Variants in ABCA10 observed in about 807,000 individuals in gnomAD.
ABCA10 encodes the protein ATP-binding cassette sub-family A member 10.
In ABCA10, 169 loss-of-function variants were observed where a neutral mutation model predicts 187.5. The ratio of observed to expected loss-of-function variants is 0.90; its 90% CI spans 0.80 to 1.02. The LOEUF is 1.02. Ranked by LOEUF, ABCA10 falls within the 50% of genes least tolerant of loss-of-function variation. The pLI, the probability that ABCA10 is intolerant of heterozygous loss-of-function variation, is 0.00. For missense variants in ABCA10, 1,727 were observed against 1,812.4 expected (o/e 0.95, Z 0.86); for synonymous variants, 574 against 601.8 (o/e 0.95, Z 0.68).
chr17:69,157,445 C>G (rs1306445676), intron 27 of ABCA10, among the ~76,000 whole-genome samples: 2 of 152,108 alleles, frequency 1.3e-5, no homozygotes, highest in African/African-American at 4.8e-5. Context: ...AAAGAACCCT[C>G]AGGATATTGC....
In ABCA10 at chr17:69,193,538, C is replaced by T. The variant is rs1233774424; in HGVS notation, c.1596G>A (p.Gln532=). ...DIIAKKLSGG[Q]KRKLTLGIAI... ...CAATCCCTAGTGTTAGTTTTCTCTTCTGCCCACCACTTAATTTTTTAGCAA... is the reference window on the plus strand; with the variant it reads ...CAATCCCTAGTGTTAGTTTTCTCTTTTGCCCACCACTTAATTTTTTAGCAA... Residue 532 remains glutamine, a synonymous_variant, in exon 14 of 39, where the codon CAG becomes CAA. Coordinates refer to ENST00000690296, the MANE Select transcript of ABCA10 (RefSeq NM_001377321.1). The T allele has an allele frequency of 6.2e-7, 1 of 1,613,640 alleles. No homozygotes were observed. The highest frequency in any genetic ancestry group is 2.2e-5 in the East Asian group (1 of 44,810).
chr17:69,156,012 C>T, intron 28 of ABCA10, 87 bp from the exon 29 acceptor site: 1 of 1,391,368 alleles, frequency 7.2e-7, no homozygotes, highest in Non-Finnish European at 9.5e-7. Context: ...AAATTATTAT[C>T]CTTTTTAAAA....
intron 30 of ABCA10, 122 bp from the exon 31 acceptor site, chr17:69,154,448 A>G (rs1330420940): frequency 6.9e-6 from 5 of 723,444 alleles, no homozygotes; most frequent in African/African-American, 5.8e-5. Context: ...TTTCAGAGAC[A>G]GAGTTTTGCT....
intron 6 of ABCA10, among the ~76,000 whole-genome samples, chr17:69,218,200 C>T (rs1185653500): frequency 1.3e-5 from 2 of 152,046 alleles, no homozygotes; most frequent in East Asian, 1.9e-4. Context: ...ATTTACCTAC[C>T]GTAAAGCTAA....
intron 9 of ABCA10, among the ~76,000 whole-genome samples, chr17:69,205,099 G>A (rs1421389437): frequency 6.6e-6 from 1 of 152,164 alleles, no homozygotes; most frequent in Non-Finnish European, 1.5e-5. Flanking sequence ...CTGCACTCCA[G>A]CCTGGGTGAC....
chr17:69,217,373 A>T (rs1363057666), intron 6 of ABCA10, among the ~76,000 whole-genome samples: 2 of 152,224 alleles, frequency 1.3e-5, no homozygotes, highest in Non-Finnish European at 2.9e-5. Context: ...TATGTTTTAA[A>T]CAACCACCAC....
intron 9 of ABCA10, among the ~76,000 whole-genome samples, chr17:69,211,305 CATATATATGATATATATATATATAT>C (rs1405181726): frequency 1.0e-4 from 1 of 9,728 alleles, no homozygotes; most frequent in African/African-American, 4.9e-4. Context: ...ATATATACAT[CATATATATGATATATATATATATAT>C]ATATATATAT....
intron 25 of ABCA10, 127 bp downstream of exon 25, chr17:69,174,154 A>C: frequency 1.7e-6 from 1 of 575,908 alleles, no homozygotes; most frequent in African/African-American, 2.0e-5. Flanking sequence ...CAATAATGAA[A>C]GTACAAAAGA....
intron 34 of ABCA10, 56 bp downstream of exon 34, chr17:69,153,249 C>A (rs904043184): frequency 3.3e-6 from 5 of 1,526,522 alleles, no homozygotes; most frequent in Middle Eastern, 2.0e-4. Context: ...AAAACAAAAA[C>A]AAAATATCCT....
At chr17:69,197,015 G>GGGGAGT (rs773341146) in intron 11 of ABCA10, 49 bp downstream of exon 11, 2 of 1,329,624 alleles carry the variant, frequency 1.5e-6, no homozygotes, top group African/African-American at 1.5e-5. Context: ...ACAGAGGGAG[G>GGGGAGT]GGGAGGGGGA....
chr17:69,151,813 A>C (rs2074130456), intron 36 of ABCA10, among the ~76,000 whole-genome samples: 2 of 152,176 alleles, frequency 1.3e-5, no homozygotes, highest in Admixed American at 1.3e-4. Flanking sequence ...CCATTTACAC[A>C]CATATATGAA....
intron 17 of ABCA10, 135 bp downstream of exon 17, chr17:69,191,041 A>G: frequency 1.1e-6 from 1 of 925,856 alleles, no homozygotes; most frequent in South Asian, 5.1e-5. Flanking sequence ...CATATTGGAA[A>G]TAGGAACAGA....
intron 5 of ABCA10, among the ~76,000 whole-genome samples, chr17:69,221,485 C>T (rs910588031): frequency 6.6e-6 from 1 of 152,080 alleles, no homozygotes; most frequent in Non-Finnish European, 1.5e-5. Flanking sequence ...AAAGAGGAGA[C>T]AAAAACAAAA....
intron 9 of ABCA10, among the ~76,000 whole-genome samples, chr17:69,209,793 C>T (rs62082747): frequency 6.6e-6 from 1 of 152,130 alleles, no homozygotes; most frequent in Non-Finnish European, 1.5e-5. Context: ...TATGTGGTAG[C>T]CCATGGCTCC....
intron 9 of ABCA10, among the ~76,000 whole-genome samples, chr17:69,210,065 G>A (rs1199617069): frequency 7.2e-6 from 1 of 139,710 alleles, no homozygotes; most frequent in Non-Finnish European, 1.5e-5. Flanking sequence ...GCCATCTGTA[G>A]AGCTTATGCT....
chr17:69,213,464 G>C (rs1056325157), intron 9 of ABCA10, among the ~76,000 whole-genome samples: 10 of 152,250 alleles, frequency 6.6e-5, no homozygotes, highest in Non-Finnish European at 1.5e-4. Flanking sequence ...GGGGAATTAT[G>C]GCTACTTCTG....
intron 9 of ABCA10, among the ~76,000 whole-genome samples, chr17:69,205,750 G>A (rs1484645617): frequency 1.3e-5 from 2 of 152,136 alleles, no homozygotes; most frequent in East Asian, 1.9e-4. Context: ...ATTTTCCCAG[G>A]TTTAAAGATT....
intron 3 of ABCA10, chr17:69,223,514 C>T (rs1598125882): frequency 3.3e-6 from 1 of 303,678 alleles, no homozygotes. Flanking sequence ...CAATTAGTGC[C>T]TCCTTTTTCA....
intron 27 of ABCA10, among the ~76,000 whole-genome samples, chr17:69,159,185 C>A (rs1282091305): frequency 1.3e-5 from 2 of 151,864 alleles, no homozygotes; most frequent in Non-Finnish European, 2.9e-5. Flanking sequence ...ATTCACTAAA[C>A]TAAATAAAGT....
Sources: gnomAD v4.1 joint callset for allele counts (sites outside exome capture counted in the v4.1 genomes callset) on GRCh38, gnomAD v4.1.1 for gene constraint, MANE v1.5 for transcripts, NCBI Gene and HGNC (gene_info 2026-07-23, HGNC 2026-07-21) for gene names.